The following MICU2 variants were observed in gnomAD, a reference collection of about 807,000 sequenced individuals.
MICU2 encodes calcium uptake protein 2, mitochondrial.
In MICU2, 64 loss-of-function variants were observed where a neutral mutation model predicts 60.4. The ratio of observed to expected loss-of-function variants is 1.06; its 90% CI spans 0.87 to 1.31. MICU2 has a LOEUF of 1.31. Among genes scored for constraint, MICU2 ranks in the 50% most tolerant of loss-of-function variants. MICU2 has a pLI of 0.00. For synonymous variants in MICU2, 201 were observed against 175.0 expected (o/e 1.15, Z -1.17); for missense variants, 569 against 531.0 (o/e 1.07, Z -0.70).
Position 21,493,027 on chromosome 13 carries a change from T to C in MICU2, c.*222A>G, listed in dbSNP as rs1481775819. 6.3e-6 allele frequency: 2 copies of C among 318,990 alleles called. No individual in the cohort carries two copies. The highest frequency in any genetic ancestry group is 4.4e-5 in the African/African-American group (2 of 45,908). 19.8% of individuals were successfully genotyped at this position (318,990 alleles called of 1,614,324 possible). ...TCTTACCGAAGTACAAAACATTATT[T>C]CAAATCTAGGCCTTCTGACAGAATC... On this transcript the variant is annotated 3_prime_UTR_variant, in exon 12 of 12. Transcript: ENST00000382374.
intron 8 of MICU2, among the ~76,000 whole-genome samples, chr13:21,507,867 T>C (rs924721236): frequency 2.0e-5 from 3 of 151,846 alleles, no homozygotes; most frequent in Non-Finnish European, 2.9e-5. Context: ...CCTTCTAAAG[T>C]GCTGGGATAC....
rs1886711633 is a variant in MICU2 at position 21,521,308 on chromosome 13, A to G, written c.534T>C (p.His178=). The G allele has an allele frequency of 1.2e-6, 2 of 1,610,036 alleles. No homozygotes were observed. Among genetic ancestry groups the G allele is most frequent in the Non-Finnish European group, 1.7e-6 (2 of 1,178,812 alleles). The change falls in exon 6 of 12, where the codon CAT becomes CAC. Residue 178 remains histidine (H), a synonymous_variant. Coordinates refer to ENST00000382374, the MANE Select transcript of MICU2 (RefSeq NM_152726.3). The part of the protein sequence containing the change: ...TILTKPHSGF[H]VAFKMLDTDG... ...CTGTATCCAGCATTTTAAAAGCAAC[A>G]TGAAATCCAGAATGGGGTTCTGCAG... is the stretch of plus-strand genomic sequence containing the variant.
intron 4 of MICU2, among the ~76,000 whole-genome samples, chr13:21,526,719 T>TA (rs1254144081): frequency 2.6e-5 from 4 of 152,066 alleles, no homozygotes. Flanking sequence ...GGATGTGGTA[T>TA]AAATGGGAAA....
chr13:21,530,945 T>C, intron 4 of MICU2: 1 of 766,834 alleles, frequency 1.3e-6, no homozygotes, highest in Non-Finnish European at 2.4e-6. Context: ...AATCCTGTGG[T>C]CCAGATCATT....
At chr13:21,493,999 A>G (rs1028241062) in intron 11 of MICU2, among the ~76,000 whole-genome samples, 5 of 152,102 alleles carry the variant, frequency 3.3e-5, no homozygotes, top group African/African-American at 1.2e-4. Context: ...TCCAGATTAT[A>G]TATGTTCTTT....
In MICU2 at chr13:21,578,596, CA is replaced by C. The variant is rs1380585030; in HGVS notation, c.211-11653del. Among the ~76,000 whole-genome samples the C allele has an allele frequency of 3.8e-3, 518 of 136,122 alleles. 1 individual carries two copies. The highest frequency in any genetic ancestry group is 9.2e-3 in the African/African-American group (343 of 37,110). 89.3% of individuals were successfully genotyped at this position (136,122 alleles called of 152,430 possible). ...TAGGTCACAGAGTGAGACCACATCT[CA>C]AAAAAAAAAAAATATTTTAGTCTGT... On this transcript the variant is annotated intron_variant, in intron 1 of 11. Transcript: ENST00000382374.
At chr13:21,499,795 C>T (rs1191907692) in intron 9 of MICU2, among the ~76,000 whole-genome samples, 2 of 151,576 alleles carry the variant, frequency 1.3e-5, no homozygotes, top group Non-Finnish European at 2.9e-5. Context: ...CACCTGTAAT[C>T]CCAGCACTTT....
intron 4 of MICU2, among the ~76,000 whole-genome samples, chr13:21,532,213 TTC>T: frequency 6.6e-6 from 1 of 152,326 alleles, no homozygotes; most frequent in Non-Finnish European, 1.5e-5. Context: ...TGCAATAACT[TTC>T]TACCTTGTCT....
At chr13:21,519,914 A>G (rs1302273034) in intron 6 of MICU2, among the ~76,000 whole-genome samples, 2 of 152,214 alleles carry the variant, frequency 1.3e-5, no homozygotes, top group Non-Finnish European at 1.5e-5. Context: ...GCACCGGATG[A>G]GTTTTGACAA....
At chr13:21,531,310 CA>C in intron 4 of MICU2, 1 of 1,572,970 alleles carries the variant, frequency 6.4e-7, no homozygotes, top group Non-Finnish European at 8.7e-7. Context: ...GACTCACCAA[CA>C]AATGTACAGC....
Position 21,499,804 on chromosome 13 carries a change from T to C in MICU2, c.933+3122A>G, listed in dbSNP as rs192511848. Among the ~76,000 whole-genome samples, 10 of 149,606 alleles carry C rather than the reference T, an allele frequency of 6.7e-5. 1 individual carries two copies. In the East Asian group the frequency reaches 1.2e-3, roughly 18 times the overall value. ...ATTTCACACCTGTAATCCCAGCACT[T>C]TGGGAGGCCGAGAGTTTGGGACCAG... On this transcript the variant is annotated intron_variant, in intron 9 of 11. Transcript: ENST00000382374.
chr13:21,561,437 T>A (rs1296491623), intron 2 of MICU2, among the ~76,000 whole-genome samples: 1 of 152,154 alleles, frequency 6.6e-6, no homozygotes, highest in African/African-American at 2.4e-5. Flanking sequence ...CATCTGTTTC[T>A]CCTTGCAGTT....
chr13:21,577,066 G>A (rs1888243500), intron 1 of MICU2, among the ~76,000 whole-genome samples: 1 of 152,246 alleles, frequency 6.6e-6, no homozygotes, highest in East Asian at 1.9e-4. Flanking sequence ...CATTATTTCT[G>A]AATTGGTCTT....
intron 2 of MICU2, among the ~76,000 whole-genome samples, chr13:21,555,612 C>G (rs1305135994): frequency 6.6e-6 from 1 of 152,002 alleles, no homozygotes; most frequent in Non-Finnish European, 1.5e-5. Flanking sequence ...AATAAATAGA[C>G]TTATTTTAAC....
chr13:21,542,554 A>C (rs1887308910), intron 2 of MICU2, among the ~76,000 whole-genome samples: 1 of 152,218 alleles, frequency 6.6e-6, no homozygotes, highest in South Asian at 2.1e-4. Context: ...CTTATGTATG[A>C]AAATAACAGA....
intron 1 of MICU2, among the ~76,000 whole-genome samples, chr13:21,594,150 T>C (rs535809123): frequency 7.2e-5 from 11 of 152,136 alleles, no homozygotes; most frequent in African/African-American, 2.7e-4. Flanking sequence ...AGGTCTAATA[T>C]ACAGAATTTA....
chr13:21,592,369 TTAAC>T (rs1888602854), intron 1 of MICU2, among the ~76,000 whole-genome samples: 1 of 152,144 alleles, frequency 6.6e-6, no homozygotes, highest in Non-Finnish European at 1.5e-5. Context: ...GAGGCAGTAA[TTAAC>T]AGCCTACCAA....
At chr13:21,512,362 T>C (rs896575822) in intron 7 of MICU2, among the ~76,000 whole-genome samples, 3 of 152,200 alleles carry the variant, frequency 2.0e-5, no homozygotes, top group Admixed American at 6.5e-5. Context: ...TTATTAGATA[T>C]GTGATTTGCA....
At chr13:21,597,930 CAAA>C (rs11428461) in intron 1 of MICU2, among the ~76,000 whole-genome samples, 6 of 84,722 alleles carry the variant, frequency 7.1e-5, no homozygotes, top group Admixed American at 6.2e-4. Context: ...GACTCTGTCT[CAAA>C]AAAAAAAAAA....
Sources: gnomAD v4.1 joint callset for allele counts (sites outside exome capture counted in the v4.1 genomes callset) on GRCh38, gnomAD v4.1.1 for gene constraint, MANE v1.5 for transcripts, NCBI Gene and HGNC (gene_info 2026-07-23, HGNC 2026-07-21) for gene names.